SND1: variants seen among roughly 807,000 people sequenced by gnomAD.
SND1 encodes the protein staphylococcal nuclease domain-containing protein 1.
SND1 carries 38 observed loss-of-function variants against 121.7 expected under a neutral mutation model. The ratio of observed to expected loss-of-function variants is 0.31; its 90% confidence interval spans 0.24 to 0.41. The LOEUF (loss-of-function observed/expected upper bound fraction) is 0.41. Ranked by LOEUF, SND1 falls within the 10% of genes least tolerant of loss-of-function variation. The pLI, the probability that SND1 is intolerant of heterozygous loss-of-function variation, is 1.00. For synonymous variants in SND1, 401 were observed against 447.4 expected (o/e 0.90, Z 1.31); for missense variants, 868 against 1,184.6 (o/e 0.73, Z 3.92).
chr7:128,086,652 G>C, intron 20 of SND1: 1 of 486,180 alleles, frequency 2.1e-6, no homozygotes, highest in Non-Finnish European at 3.7e-6. Context: ...AAATGGAAAA[G>C]CGATTAGAGT....
intron 15 of SND1, among the ~76,000 whole-genome samples, chr7:127,954,980 A>G (rs1192309960): frequency 6.6e-6 from 1 of 152,156 alleles, no homozygotes; most frequent in Admixed American, 6.5e-5. Context: ...TATCCCTAGT[A>G]TCTGCAGTGG....
intron 18 of SND1, 46 bp from the exon 19 acceptor site, chr7:128,084,678 G>A (rs530794028): frequency 3.7e-5 from 58 of 1,562,038 alleles, no homozygotes; most frequent in South Asian, 2.3e-4. Context: ...CTGAGCCGTC[G>A]AGGAACCCAG....
chr7:127,854,179 C>A (rs1799225182), intron 12 of SND1, among the ~76,000 whole-genome samples: 1 of 152,148 alleles, frequency 6.6e-6, no homozygotes, highest in African/African-American at 2.4e-5. Context: ...GGCTGGAGTG[C>A]AGGGGTGTGA....
At chr7:128,056,154 A>C (rs1455488916) in intron 16 of SND1, among the ~76,000 whole-genome samples, 1 of 152,246 alleles carries the variant, frequency 6.6e-6, no homozygotes, top group African/African-American at 2.4e-5. Flanking sequence ...GCAGATACTC[A>C]ATAAGTGTTA....
intron 10 of SND1, among the ~76,000 whole-genome samples, chr7:127,760,879 T>C (rs1797293706): frequency 6.6e-6 from 1 of 152,244 alleles, no homozygotes; most frequent in Non-Finnish European, 1.5e-5. Context: ...ATTGCAAGGA[T>C]GCAGTCCTGA....
At chr7:128,050,973 G>A (rs1793036465) in intron 16 of SND1, among the ~76,000 whole-genome samples, 1 of 152,170 alleles carries the variant, frequency 6.6e-6, no homozygotes, top group Non-Finnish European at 1.5e-5. Context: ...TCCACCGCTG[G>A]GCCCATGCGA....
chr7:127,734,865 C>T (rs1796745994), intron 10 of SND1, among the ~76,000 whole-genome samples: 1 of 152,156 alleles, frequency 6.6e-6, no homozygotes, highest in Non-Finnish European at 1.5e-5. Context: ...TAAATAAATG[C>T]ACAGATGTGA....
intron 14 of SND1, among the ~76,000 whole-genome samples, chr7:127,908,379 T>G (rs1410413995): frequency 6.6e-6 from 1 of 151,074 alleles, no homozygotes; most frequent in Non-Finnish European, 1.5e-5. Context: ...TTGACCCATC[T>G]GCGTCTCTTA....
chr7:127,955,376 C>T (rs1413917247), intron 15 of SND1, among the ~76,000 whole-genome samples: 1 of 152,060 alleles, frequency 6.6e-6, no homozygotes. Context: ...ATATATCTGC[C>T]TGCATCTCCC....
At chr7:127,983,522 C>T (rs1220371886) in intron 15 of SND1, among the ~76,000 whole-genome samples, 2 of 152,104 alleles carry the variant, frequency 1.3e-5, no homozygotes, top group Non-Finnish European at 2.9e-5. Context: ...CCACCCCCTA[C>T]ATCTGCACTG....
At chr7:127,871,153 G>A (rs1442192810) in intron 12 of SND1, among the ~76,000 whole-genome samples, 2 of 152,124 alleles carry the variant, frequency 1.3e-5, no homozygotes, top group Admixed American at 1.3e-4. Flanking sequence ...AAATGGAGCT[G>A]TCATCTCCTA....
At position 128,092,177 on chromosome 7, in the gene SND1, A is replaced by G; in HGVS notation, c.*119A>G. On this transcript the variant is annotated 3_prime_UTR_variant, in exon 24 of 24. Transcript: ENST00000354725. This position sits in a 1 kb window ranked among gnomAD's most constrained non-coding sequence, Gnocchi z 4.9. ...TGTAGATTGGGTCCAGCTTTGCTTC[A>G]GTGTGTGGAAATGTCTCGTGGGGTG... 9.0e-7 allele frequency: 1 copy of G among 1,115,316 alleles called. No homozygotes were observed. Among genetic ancestry groups the G allele is most frequent in the South Asian group, 1.4e-5 (1 of 73,070 alleles). The allele number at this position is 1,115,316 out of a possible 1,614,324, so 69.1% of individuals were successfully genotyped here. A position where few individuals can be genotyped will look rare whatever the true frequency, so the allele number is the denominator to read the frequency against.
At chr7:127,694,266 T>C (rs1403357128) in intron 2 of SND1, among the ~76,000 whole-genome samples, 1 of 152,194 alleles carries the variant, frequency 6.6e-6, no homozygotes, top group Non-Finnish European at 1.5e-5. Context: ...ATAAGAACAC[T>C]AGAATCATGT....
intron 14 of SND1, among the ~76,000 whole-genome samples, chr7:127,908,849 A>G (rs1309108511): frequency 6.6e-6 from 1 of 152,146 alleles, no homozygotes; most frequent in Non-Finnish European, 1.5e-5. Context: ...AATAAATACA[A>G]TCTCCTGCAG....
chr7:127,824,029 G>A (rs960326163), intron 11 of SND1, among the ~76,000 whole-genome samples: 3 of 152,120 alleles, frequency 2.0e-5, no homozygotes, highest in Admixed American at 6.5e-5. Flanking sequence ...TGAGTATGAC[G>A]ACAACAAAAT....
In SND1 at chr7:127,922,175, C is replaced by CTTTTTTTTTTTTTTTTTTTTTTTTTT. The variant is rs1158535023; in HGVS notation, c.1528-7010_1528-6985dup. Among the ~76,000 whole-genome samples, 17 of 57,190 alleles carry CTTTTTTTTTTTTTTTTTTTTTTTTTT rather than the reference C, an allele frequency of 3.0e-4. 2 individuals are homozygous for CTTTTTTTTTTTTTTTTTTTTTTTTTT. The highest frequency in any genetic ancestry group is 5.8e-4 in the Admixed American group (2 of 3,470). 37.5% of individuals were successfully genotyped at this position (57,190 alleles called of 152,430 possible). A position where few individuals can be genotyped will look rare whatever the true frequency, so the allele number is the denominator to read the frequency against. ...CCAGCTGATTTTCTTTTTTTCTTTC[C>CTTTTTTTTTTTTTTTTTTTTTTTTTT]TTTTTTTTTTTTTTTTTTTTTTTTT... On this transcript the variant is annotated intron_variant, in intron 14 of 23. Transcript: ENST00000354725.
chr7:127,699,137 A>G (rs917837260), intron 4 of SND1, among the ~76,000 whole-genome samples, 184 bp downstream of exon 4: 4 of 152,206 alleles, frequency 2.6e-5, no homozygotes, highest in Admixed American at 1.3e-4. Flanking sequence ...TTTGAGGTAT[A>G]TGACTCTTTT....
chr7:127,734,505 A>AT (rs1472267905), intron 10 of SND1, among the ~76,000 whole-genome samples: 2 of 152,230 alleles, frequency 1.3e-5, no homozygotes, highest in Non-Finnish European at 2.9e-5. Context: ...TAAGGCAGAG[A>AT]AAAGGATGCA....
chr7:127,926,057 T>G (rs958619667), intron 14 of SND1, among the ~76,000 whole-genome samples: 6 of 152,154 alleles, frequency 3.9e-5, no homozygotes, highest in Non-Finnish European at 5.9e-5. Flanking sequence ...TTTTATATTG[T>G]TATAATCAGA....
Sources: gnomAD v4.1 joint callset for allele counts (sites outside exome capture counted in the v4.1 genomes callset) on GRCh38, gnomAD v4.1.1 for gene constraint, Gnocchi (gnomAD v3.1) non-coding constraint, MANE v1.5 for transcripts, NCBI Gene and HGNC (gene_info 2026-07-23, HGNC 2026-07-21) for gene names.